The following LAMA2 variants were observed in gnomAD, a reference collection of about 807,000 sequenced individuals.
LAMA2 encodes laminin subunit alpha-2.
LAMA2 carries 269 observed loss-of-function variants against 364.8 expected under a neutral mutation model. That is an observed-to-expected ratio of 0.74 (90% CI 0.67 to 0.82). LAMA2 has a LOEUF of 0.82. Among genes scored for constraint, LAMA2 ranks in the 40% least tolerant of loss-of-function variants. LAMA2 has a pLI of 0.00. For synonymous variants in LAMA2, 1,379 were observed against 1,370.6 expected (o/e 1.01, Z -0.14); for missense variants, 3,807 against 3,873.2 (o/e 0.98, Z 0.45).
chr6:128,966,486 A>G (rs77866542), intron 1 of LAMA2, among the ~76,000 whole-genome samples: 91 of 152,272 alleles, frequency 6.0e-4, no homozygotes, highest in African/African-American at 2.0e-3. Flanking sequence ...ATAAGAAACA[A>G]TACATAAGGA....
intron 40 of LAMA2, among the ~76,000 whole-genome samples, chr6:129,421,595 T>C (rs915507113): frequency 2.6e-5 from 4 of 152,126 alleles, no homozygotes; most frequent in African/African-American, 9.7e-5. Flanking sequence ...CAAGCAATGC[T>C]GGAAAAGGTT....
intron 3 of LAMA2, among the ~76,000 whole-genome samples, chr6:129,078,677 T>G (rs1298275789): frequency 1.3e-5 from 2 of 152,138 alleles, no homozygotes; most frequent in African/African-American, 4.8e-5. Context: ...TAACAAACAA[T>G]TTTTTATCTT....
chr6:129,447,522 A>G (rs1782449728), intron 45 of LAMA2, among the ~76,000 whole-genome samples: 1 of 152,226 alleles, frequency 6.6e-6, no homozygotes, highest in South Asian at 2.1e-4. Context: ...ATAACCAGAA[A>G]GATCAACAGA....
chr6:129,162,313 T>G (rs1442580452), intron 8 of LAMA2, among the ~76,000 whole-genome samples: 1 of 152,206 alleles, frequency 6.6e-6, no homozygotes, highest in African/African-American at 2.4e-5. Context: ...TTGTCATTTT[T>G]GTTTGAAGTC....
chr6:128,955,724 CT>C (rs1352596663), intron 1 of LAMA2, among the ~76,000 whole-genome samples: 2 of 151,858 alleles, frequency 1.3e-5, no homozygotes, highest in Non-Finnish European at 2.9e-5. Flanking sequence ...ATTTATCTCT[CT>C]TTTCTAGTAG....
At chr6:129,342,501 C>G in intron 30 of LAMA2, 34 bp downstream of exon 30, 1 of 1,606,194 alleles carries the variant, frequency 6.2e-7, no homozygotes, top group Non-Finnish European at 8.5e-7. Context: ...ATTTCCCAAT[C>G]AGAAACGCCA....
chr6:128,971,333 G>A (rs924198694), intron 1 of LAMA2, among the ~76,000 whole-genome samples: 1 of 152,146 alleles, frequency 6.6e-6, no homozygotes, highest in African/African-American at 2.4e-5. Context: ...CTGCCCTCAA[G>A]AAAGTGTATA....
chr6:129,097,648 G>A (rs1396043114), intron 3 of LAMA2, among the ~76,000 whole-genome samples: 3 of 152,160 alleles, frequency 2.0e-5, no homozygotes, highest in Non-Finnish European at 2.9e-5. Context: ...AGGATTTACT[G>A]CCACAATGCT....
chr6:128,909,351 T>C (rs1562819037), intron 1 of LAMA2, among the ~76,000 whole-genome samples: 1 of 151,944 alleles, frequency 6.6e-6, no homozygotes. Context: ...TTAGGTTAGT[T>C]AGCTCTTCTT....
At chr6:129,009,741 C>A (rs746592005) in intron 1 of LAMA2, among the ~76,000 whole-genome samples, 1 of 152,116 alleles carries the variant, frequency 6.6e-6, no homozygotes, top group Non-Finnish European at 1.5e-5. Flanking sequence ...TTTATATATA[C>A]AAAATGTGAT....
At chr6:129,508,860 A>G (rs554158580) in intron 62 of LAMA2, among the ~76,000 whole-genome samples, 42 of 152,268 alleles carry the variant, frequency 2.8e-4, no homozygotes, top group African/African-American at 9.4e-4. Flanking sequence ...TCTTTTGGGT[A>G]TATATCTAAG....
intron 1 of LAMA2, among the ~76,000 whole-genome samples, chr6:128,941,389 T>A (rs1780145483): frequency 6.6e-6 from 1 of 152,056 alleles, no homozygotes; most frequent in Admixed American, 6.6e-5. Context: ...GTTAGAAGGG[T>A]CAATCTGAAG....
At chr6:129,267,775 G>A (rs1232399536) in intron 16 of LAMA2, among the ~76,000 whole-genome samples, 1 of 152,066 alleles carries the variant, frequency 6.6e-6, no homozygotes, top group African/African-American at 2.4e-5. Context: ...TTGCAATTAA[G>A]TCTAAGCTTT....
At chr6:128,996,827 G>A (rs994435587) in intron 1 of LAMA2, among the ~76,000 whole-genome samples, 4 of 152,148 alleles carry the variant, frequency 2.6e-5, no homozygotes, top group African/African-American at 7.2e-5. Context: ...ACATGCACAC[G>A]TATGTTTACT....
chr6:129,102,596 A>T (rs1775581790), intron 4 of LAMA2, among the ~76,000 whole-genome samples: 1 of 152,090 alleles, frequency 6.6e-6, no homozygotes, highest in African/African-American at 2.4e-5. Flanking sequence ...TTTTTGTCTG[A>T]TAATTCTAAT....
chr6:129,116,389 T>A (rs1776483724), intron 4 of LAMA2, among the ~76,000 whole-genome samples: 1 of 152,166 alleles, frequency 6.6e-6, no homozygotes. Context: ...TCTCAGTGAT[T>A]TTGTTTGTCT....
intron 1 of LAMA2, among the ~76,000 whole-genome samples, chr6:128,997,579 G>T (rs1784063788): frequency 1.3e-5 from 2 of 152,102 alleles, no homozygotes; most frequent in South Asian, 4.1e-4. Flanking sequence ...TGGATCACTT[G>T]AGGTCAGGGG....
At position 129,200,341 on chromosome 6, in the gene LAMA2, T is replaced by TGTACAC. The variant is rs1267531698; in HGVS notation, c.1782+7488_1782+7489insGTACAC. ...ACGTGTACACATATACATATACACG[T>TGTACAC]ATATGTGTACACATATACATATACA... On this transcript the variant is annotated intron_variant, in intron 12 of 64. Transcript: ENST00000421865. Among the ~76,000 whole-genome samples the TGTACAC allele has an allele frequency of 2.5e-4, 37 of 145,228 alleles. 4 individuals carry two copies. The highest frequency in any genetic ancestry group is 4.3e-4 in the South Asian group (2 of 4,654).
intron 20 of LAMA2, among the ~76,000 whole-genome samples, chr6:129,296,773 A>G (rs1254887349): frequency 2.0e-5 from 3 of 152,150 alleles, no homozygotes; most frequent in Admixed American, 6.5e-5. Flanking sequence ...TATCATAATA[A>G]TGTGACATGC....
Sources: gnomAD v4.1 joint callset for allele counts (sites outside exome capture counted in the v4.1 genomes callset) on GRCh38, gnomAD v4.1.1 for gene constraint, MANE v1.5 for transcripts, NCBI Gene and HGNC (gene_info 2026-07-23, HGNC 2026-07-21) for gene names.